The following ACOT1 variants were observed in gnomAD, a reference collection of about 807,000 sequenced individuals.
ACOT1 encodes acyl-coenzyme A thioesterase 1.
In ACOT1, 8 loss-of-function variants were observed where a neutral mutation model predicts 15.7. The observed-to-expected ratio is 0.51, with a 90% CI of 0.30 to 0.92. The LOEUF (loss-of-function observed/expected upper bound fraction) is 0.92, where lower values mean the gene tolerates loss of function less well. Among genes scored for constraint, ACOT1 ranks in the 40% least tolerant of loss-of-function variants. The pLI, the probability that ACOT1 is intolerant of heterozygous loss-of-function variation, is 0.06. For synonymous variants in ACOT1, 67 were observed against 241.2 expected, an observed-to-expected ratio of 0.28 and a Z score of 6.69; for missense variants, 151 against 539.4, an observed-to-expected ratio of 0.28 and a Z score of 7.13.
the ACOT1 span, among the ~76,000 whole-genome samples, chr14:73,501,928 G>A: frequency 2.0e-5 from 3 of 151,728 alleles, no homozygotes; most frequent in Non-Finnish European, 4.4e-5. Flanking sequence ...TGTATTTTTA[G>A]TAGAGACAGG....
chr14:73,511,549 AAAT>A, the ACOT1 span, among the ~76,000 whole-genome samples: 3 of 129,672 alleles, frequency 2.3e-5, no homozygotes, highest in African/African-American at 8.4e-5. Context: ...ATAAATAAAT[AAAT>A]AAATAAATAA....
At chr14:73,497,892 C>A in the ACOT1 span, among the ~76,000 whole-genome samples, 2 of 152,186 alleles carry the variant, frequency 1.3e-5, no homozygotes, top group Non-Finnish European at 2.9e-5. Context: ...TCCCAAAGTG[C>A]TGGGATTACA....
At chr14:73,499,003 G>A in the ACOT1 span, 4 of 1,336,282 alleles carry the variant, frequency 3.0e-6, no homozygotes, top group Non-Finnish European at 3.2e-6. Context: ...AGTTTCAGGG[G>A]ATCATTTCTA....
At chr14:73,511,106 A>G in the ACOT1 span, among the ~76,000 whole-genome samples, 1 of 152,206 alleles carries the variant, frequency 6.6e-6, no homozygotes, top group African/African-American at 2.4e-5. Flanking sequence ...AGGAAGGGGA[A>G]AGGTTTGTTA....
At chr14:73,493,498 G>A in the ACOT1 span, 1 of 218,018 alleles carries the variant, frequency 4.6e-6, no homozygotes, top group African/African-American at 2.4e-5. Flanking sequence ...AAGCAACCTG[G>A]GGTGGTTGTA....
the ACOT1 span, among the ~76,000 whole-genome samples, chr14:73,515,283 T>C: frequency 6.6e-6 from 1 of 152,210 alleles, no homozygotes; most frequent in Non-Finnish European, 1.5e-5. Flanking sequence ...TTTCTGTTTT[T>C]TTCCAAGATT....
upstream of ACOT1, among the ~76,000 whole-genome samples, chr14:73,535,694 T>C (rs1160280531): frequency 2.7e-5 from 3 of 111,776 alleles, no homozygotes; most frequent in African/African-American, 8.7e-5. Flanking sequence ...TTAGCCAGGA[T>C]GGTGTCGATC....
At chr14:73,529,336 C>G in the ACOT1 span, 1 of 118,018 alleles carries the variant, frequency 8.5e-6, no homozygotes, top group Admixed American at 1.2e-4. Flanking sequence ...GCCTGGGCAA[C>G]AGAGTGAGAC....
At chr14:73,491,657 C>T in the ACOT1 span, 9 of 1,549,790 alleles carry the variant, frequency 5.8e-6, no homozygotes, top group Non-Finnish European at 7.8e-6. Flanking sequence ...CGCGCCCATG[C>T]CGCCAGATCA....
At chr14:73,519,235 C>T in the ACOT1 span, 4 of 1,492,142 alleles carry the variant, frequency 2.7e-6, no homozygotes, top group Admixed American at 7.8e-5. Context: ...TTCCTAATCA[C>T]CAGGATCAGA....
chr14:73,513,728 CAAA>C, the ACOT1 span, among the ~76,000 whole-genome samples: 4,005 of 46,000 alleles, frequency 0.087, 23 homozygotes, highest in African/African-American at 0.11. Flanking sequence ...ACTACGTCTC[CAAA>C]AAAAAAAAAA....
At chr14:73,500,441 C>T in the ACOT1 span, 1 of 1,198,828 alleles carries the variant, frequency 8.3e-7, no homozygotes. Context: ...CAGTTCCAAT[C>T]TCTCATTCTG....
At chr14:73,496,883 T>G in the ACOT1 span, among the ~76,000 whole-genome samples, 1 of 152,080 alleles carries the variant, frequency 6.6e-6, no homozygotes, top group African/African-American at 2.4e-5. Flanking sequence ...TATTTGTGGG[T>G]TTTTTGTTTA....
At chr14:73,513,941 G>T in the ACOT1 span, 1 of 1,311,674 alleles carries the variant, frequency 7.6e-7, no homozygotes, top group Non-Finnish European at 1.1e-6. Flanking sequence ...ACAAAGGAGG[G>T]ATGGATTTTT....
At chr14:73,521,819 A>G in the ACOT1 span, among the ~76,000 whole-genome samples, 3 of 152,280 alleles carry the variant, frequency 2.0e-5, no homozygotes, top group South Asian at 4.1e-4. Context: ...TCCTCACTCC[A>G]CCAAGGATAC....
At chr14:73,515,749 TCTC>T in the ACOT1 span, among the ~76,000 whole-genome samples, 2 of 104,450 alleles carry the variant, frequency 1.9e-5, no homozygotes, top group African/African-American at 7.4e-5. Flanking sequence ...ATACAATGCA[TCTC>T]CTCCAAATGG....
chr14:73,497,872 T>C, the ACOT1 span, among the ~76,000 whole-genome samples: 1 of 152,196 alleles, frequency 6.6e-6, no homozygotes, highest in African/African-American at 2.4e-5. Flanking sequence ...GTGATCCTCC[T>C]GCCTCAGCCT....
At chr14:73,491,909 C>A in the ACOT1 span, 1 of 1,612,932 alleles carries the variant, frequency 6.2e-7, no homozygotes, top group Non-Finnish European at 8.5e-7. Context: ...CTCCCTGCGT[C>A]TCCTCTGTCC....
chr14:73,536,129 G>A (rs1407807170), upstream of ACOT1, among the ~76,000 whole-genome samples: 5 of 115,038 alleles, frequency 4.3e-5, 2 homozygotes, highest in Non-Finnish European at 9.5e-5. Context: ...GGACATGAGA[G>A]CATTTGGAAA....
Sources: allele counts gnomAD v4.1 joint callset (sites outside exome capture counted in the v4.1 genomes callset), GRCh38; gene constraint gnomAD v4.1.1; transcripts MANE v1.5; gene names NCBI Gene and HGNC (gene_info 2026-07-23, HGNC 2026-07-21).